DLGAP2: variants seen among roughly 807,000 people sequenced by gnomAD.
DLGAP2 encodes the protein DLG associated protein 2, also known as disks large-associated protein 2.
DLGAP2 carries 26 observed loss-of-function variants against 100.3 expected under a neutral mutation model. That is an observed-to-expected ratio of 0.26 (90% CI 0.19 to 0.36). The LOEUF (loss-of-function observed/expected upper bound fraction) is 0.36. Ranked by LOEUF, DLGAP2 falls within the 10% of genes least tolerant of loss-of-function variation. The pLI, the probability that DLGAP2 is intolerant of heterozygous loss-of-function variation, is 1.00. For synonymous variants in DLGAP2, 886 were observed against 630.1 expected (o/e 1.41, Z -6.08); for missense variants, 1,858 against 1,453.2 (o/e 1.28, Z -4.53).
chr8:1,226,759 G>T (rs1011335716), intron 2 of DLGAP2, among the ~76,000 whole-genome samples: 1 of 151,948 alleles, frequency 6.6e-6, no homozygotes, highest in Non-Finnish European at 1.5e-5. Context: ...GAACGTTTGT[G>T]TAATCCTCAG....
chr8:888,804 G>T (rs761840156), intron 1 of DLGAP2, among the ~76,000 whole-genome samples: 4 of 152,094 alleles, frequency 2.6e-5, no homozygotes, highest in Non-Finnish European at 5.9e-5. Flanking sequence ...TGCCAGTAGG[G>T]TGTCTGTGTA....
At chr8:1,128,219 A>G (rs6558415) in intron 2 of DLGAP2, among the ~76,000 whole-genome samples, 21,397 of 92,328 alleles carry the variant, frequency 0.23, 1,450 homozygotes, top group East Asian at 0.34. Flanking sequence ...CCTGCTCCCC[A>G]TGTTGTGTTC....
chr8:1,439,946 C>G (rs146881435), intron 3 of DLGAP2, among the ~76,000 whole-genome samples: 137 of 152,200 alleles, frequency 9.0e-4, no homozygotes, highest in African/African-American at 2.8e-3. Context: ...ATTAAGGTCA[C>G]AGTATATTTT....
intron 2 of DLGAP2, among the ~76,000 whole-genome samples, chr8:994,677 A>G (rs974363077): frequency 2.0e-5 from 3 of 152,160 alleles, no homozygotes; most frequent in Non-Finnish European, 4.4e-5. Context: ...AGGGGCTGGA[A>G]CTCAGCTCTG....
intron 2 of DLGAP2, among the ~76,000 whole-genome samples, chr8:1,180,569 C>G (rs887046331): frequency 1.3e-5 from 2 of 151,100 alleles, no homozygotes; most frequent in Non-Finnish European, 3.0e-5. Flanking sequence ...TGGCACACAT[C>G]GTGTGCAATG....
intron 2 of DLGAP2, among the ~76,000 whole-genome samples, chr8:913,468 G>A (rs930126657): frequency 2.0e-5 from 3 of 152,198 alleles, no homozygotes; most frequent in East Asian, 3.9e-4. Flanking sequence ...TGGCGTGAGC[G>A]TATATGTTGA....
chr8:1,579,463 G>C (rs1803136763), intron 6 of DLGAP2, among the ~76,000 whole-genome samples: 1 of 151,978 alleles, frequency 6.6e-6, no homozygotes, highest in Non-Finnish European at 1.5e-5. Flanking sequence ...ACTTATTTAT[G>C]ATACAAGCCA....
chr8:1,575,812 G>A (rs559170872), intron 6 of DLGAP2, among the ~76,000 whole-genome samples: 42 of 151,792 alleles, frequency 2.8e-4, no homozygotes, highest in African/African-American at 9.9e-4. Flanking sequence ...CCTTTTTATG[G>A]CTGCGTAGTT....
chr8:1,113,012 G>A (rs965460344), intron 2 of DLGAP2, among the ~76,000 whole-genome samples: 64 of 152,156 alleles, frequency 4.2e-4, no homozygotes, highest in African/African-American at 1.5e-3. Context: ...TCAGATGGTT[G>A]CAGGTGTGTA....
chr8:1,565,423 T>C (rs1443457965), intron 5 of DLGAP2: 5 of 383,006 alleles, frequency 1.3e-5, no homozygotes, highest in Admixed American at 4.6e-5. Flanking sequence ...AGATTGCAAG[T>C]GTCCCTTCTT....
At chr8:1,264,927 G>A (rs1799422400) in intron 3 of DLGAP2, among the ~76,000 whole-genome samples, 1 of 152,120 alleles carries the variant, frequency 6.6e-6, no homozygotes, top group African/African-American at 2.4e-5. Flanking sequence ...TTCATAAAGG[G>A]CAGTTCCCCT....
chr8:796,626 C>A (rs967580668), intron 1 of DLGAP2, among the ~76,000 whole-genome samples: 1 of 152,152 alleles, frequency 6.6e-6, no homozygotes, highest in Non-Finnish European at 1.5e-5. Flanking sequence ...TGCGTCCCTC[C>A]TGTCCCTGCT....
intron 2 of DLGAP2, among the ~76,000 whole-genome samples, chr8:1,224,854 G>T (rs1033309852): frequency 2.5e-4 from 38 of 152,224 alleles, no homozygotes; most frequent in Admixed American, 2.2e-3. Context: ...ATGAGTCCCT[G>T]GGGAGATGCG....
chr8:1,416,595 C>T (rs1448275723), intron 3 of DLGAP2, among the ~76,000 whole-genome samples: 4 of 152,242 alleles, frequency 2.6e-5, no homozygotes, highest in South Asian at 2.1e-4. Context: ...TGAAAACTTA[C>T]CATGAAAACG....
At chr8:1,339,556 G>C (rs1019385937) in intron 3 of DLGAP2, among the ~76,000 whole-genome samples, 3 of 152,234 alleles carry the variant, frequency 2.0e-5, no homozygotes, top group African/African-American at 7.2e-5. Flanking sequence ...CACGTAAGTA[G>C]TCTTCAGTAT....
chr8:1,423,175 TA>T (rs1285536774), intron 3 of DLGAP2, among the ~76,000 whole-genome samples: 7 of 152,322 alleles, frequency 4.6e-5, no homozygotes, highest in Admixed American at 2.6e-4. Context: ...CAAGTTAATA[TA>T]ATATAGTTTT....
intron 2 of DLGAP2, chr8:1,018,711 T>C (rs774156299): frequency 6.6e-6 from 1 of 152,250 alleles, no homozygotes; most frequent in Non-Finnish European, 1.5e-5. Context: ...TTTTAGGTCA[T>C]ATTCCTTATC....
At chr8:1,432,249 T>C (rs1211496456) in intron 3 of DLGAP2, among the ~76,000 whole-genome samples, 1 of 152,254 alleles carries the variant, frequency 6.6e-6, no homozygotes, top group Non-Finnish European at 1.5e-5. Context: ...TTGCAGCATT[T>C]AAAAATTCTT....
At chr8:864,068 C>T (rs183945582) in intron 1 of DLGAP2, among the ~76,000 whole-genome samples, 8 of 152,300 alleles carry the variant, frequency 5.3e-5, no homozygotes, top group Middle Eastern at 6.8e-3. Context: ...ACCCAGAGGA[C>T]GCTTTGCTAA....
Sources: allele counts gnomAD v4.1 joint callset (sites outside exome capture counted in the v4.1 genomes callset), GRCh38; gene constraint gnomAD v4.1.1; transcripts MANE v1.5; gene names NCBI Gene and HGNC (gene_info 2026-07-23, HGNC 2026-07-21).